Variants in ACTR3C observed in about 807,000 individuals in gnomAD.
ACTR3C encodes the protein actin-related protein 3C.
ACTR3C carries 18 observed loss-of-function variants against 26.3 expected under a neutral mutation model. The observed-to-expected ratio is 0.68, with a 90% CI of 0.47 to 1.01. ACTR3C has a LOEUF of 1.01. ACTR3C is among the 50% of genes least tolerant of loss of function. The pLI is 0.00. For missense variants in ACTR3C, 184 were observed against 250.7 expected, an observed-to-expected ratio of 0.73 and a Z score of 1.80; for synonymous variants, 55 against 94.5, an observed-to-expected ratio of 0.58 and a Z score of 2.42.
chr7:150,035,153 G>T, the ACTR3C span, among the ~76,000 whole-genome samples: 1 of 131,176 alleles, frequency 7.6e-6, no homozygotes, highest in South Asian at 2.5e-4. Flanking sequence ...AACGATGGGG[G>T]TCCTAAGCCA....
At chr7:149,975,396 A>G in the ACTR3C span, among the ~76,000 whole-genome samples, 1 of 152,188 alleles carries the variant, frequency 6.6e-6, no homozygotes, top group Non-Finnish European at 1.5e-5. Context: ...AGGGAATGCA[A>G]TAAAAAGAGT....
the ACTR3C span, among the ~76,000 whole-genome samples, chr7:150,037,137 T>C: frequency 3.9e-3 from 221 of 56,602 alleles, 26 homozygotes; most frequent in African/African-American, 0.015. Context: ...TCTCAGTCCC[T>C]GCCTCGTGGG....
intron 6 of ACTR3C, among the ~76,000 whole-genome samples, chr7:150,250,601 G>A: frequency 6.6e-6 from 1 of 151,940 alleles, no homozygotes; most frequent in East Asian, 1.9e-4. Flanking sequence ...GCTATTTCAG[G>A]AATCCAGACA....
At chr7:150,024,974 G>A in the ACTR3C span, among the ~76,000 whole-genome samples, 2 of 152,102 alleles carry the variant, frequency 1.3e-5, no homozygotes, top group African/African-American at 4.8e-5. Context: ...CTGTTAGCAA[G>A]GTCTGGAGGG....
chr7:150,208,976 T>C, the ACTR3C span, among the ~76,000 whole-genome samples: 1 of 152,048 alleles, frequency 6.6e-6, no homozygotes, highest in East Asian at 1.9e-4. Flanking sequence ...AGAGAGGAAA[T>C]GGATACTGTG....
the ACTR3C span, among the ~76,000 whole-genome samples, chr7:149,913,419 A>G: frequency 2.0e-5 from 3 of 152,186 alleles, no homozygotes; most frequent in Non-Finnish European, 2.9e-5. Flanking sequence ...GACATGGCCC[A>G]GGTCCTCAAA....
the ACTR3C span, among the ~76,000 whole-genome samples, chr7:150,152,937 T>C: frequency 8.5e-5 from 13 of 152,302 alleles, no homozygotes; most frequent in Admixed American, 3.9e-4. Flanking sequence ...GAGGTGTTTG[T>C]AGTATTCTCT....
At chr7:150,019,244 G>T in the ACTR3C span, among the ~76,000 whole-genome samples, 1 of 150,422 alleles carries the variant, frequency 6.6e-6, no homozygotes, top group Admixed American at 6.6e-5. Context: ...TAAGTTTACA[G>T]AGGATACTTG....
chr7:150,288,207 T>C (rs372847317), intron 4 of ACTR3C, among the ~76,000 whole-genome samples: 5,849 of 120,464 alleles, frequency 0.049, 170 homozygotes, highest in South Asian at 0.11. Flanking sequence ...GGGAGACACA[T>C]AGTCACATCG....
chr7:150,037,092 G>A, the ACTR3C span, among the ~76,000 whole-genome samples: 472 of 100,036 alleles, frequency 4.7e-3, 2 homozygotes, highest in Non-Finnish European at 7.0e-3. Context: ...CGTGCGATGG[G>A]GGTCCTAAGA....
At chr7:149,931,334 G>A in the ACTR3C span, among the ~76,000 whole-genome samples, 8 of 152,290 alleles carry the variant, frequency 5.3e-5, no homozygotes, top group East Asian at 3.9e-4. Context: ...CCAGGTGCCC[G>A]TCTTTGTCGG....
the ACTR3C span, among the ~76,000 whole-genome samples, chr7:150,143,200 G>A: frequency 6.0e-4 from 92 of 152,170 alleles, no homozygotes; most frequent in African/African-American, 1.8e-3. Context: ...ATTGGCCAAT[G>A]GTACGGAAAG....
chr7:150,232,658 T>A, the ACTR3C span, among the ~76,000 whole-genome samples: 1 of 146,476 alleles, frequency 6.8e-6, no homozygotes, highest in Admixed American at 6.7e-5. Context: ...ACCCCATCTC[T>A]ATAAAAATAC....
At chr7:150,219,897 C>A in the ACTR3C span, among the ~76,000 whole-genome samples, 2 of 145,060 alleles carry the variant, frequency 1.4e-5, no homozygotes, top group South Asian at 4.2e-4. Flanking sequence ...CTCTGCCTCC[C>A]AACGCCGACC....
At chr7:149,982,196 A>G in the ACTR3C span, among the ~76,000 whole-genome samples, 1 of 152,172 alleles carries the variant, frequency 6.6e-6, no homozygotes, top group Admixed American at 6.5e-5. Flanking sequence ...CCAACGCTCT[A>G]TACCTGCTGC....
chr7:149,977,251 C>T, the ACTR3C span, among the ~76,000 whole-genome samples: 1 of 152,148 alleles, frequency 6.6e-6, no homozygotes, highest in African/African-American at 2.4e-5. Flanking sequence ...TGCAAAGTTC[C>T]AGAGATGACT....
At chr7:150,253,807 CTG>C (rs2129609478) in intron 6 of ACTR3C, among the ~76,000 whole-genome samples, 1 of 152,118 alleles carries the variant, frequency 6.6e-6, no homozygotes, top group Admixed American at 6.5e-5. Flanking sequence ...TCCCCTCTAA[CTG>C]TGCAGATGTA....
chr7:149,920,392 G>A, the ACTR3C span, among the ~76,000 whole-genome samples: 2 of 150,788 alleles, frequency 1.3e-5, no homozygotes, highest in Non-Finnish European at 3.0e-5. Flanking sequence ...CGGTAACCTC[G>A]AACTCTTAGA....
chr7:150,256,048 C>T (rs1391546735), intron 6 of ACTR3C, among the ~76,000 whole-genome samples: 2 of 152,182 alleles, frequency 1.3e-5, no homozygotes, highest in Non-Finnish European at 2.9e-5. Context: ...TTGGTTATCA[C>T]TAAGTTGTTT....
Sources: gnomAD v4.1 joint callset for allele counts (sites outside exome capture counted in the v4.1 genomes callset) on GRCh38, gnomAD v4.1.1 for gene constraint, MANE v1.5 for transcripts, NCBI Gene and HGNC (gene_info 2026-07-23, HGNC 2026-07-21) for gene names.